The following MACROD2 variants were observed in gnomAD, a reference collection of about 807,000 sequenced individuals.
MACROD2 encodes the protein ADP-ribose glycohydrolase MACROD2.
A neutral mutation model predicts 70.4 loss-of-function variants in MACROD2; 36 were observed. The ratio of observed to expected loss-of-function variants is 0.51; its 90% CI spans 0.39 to 0.68. The LOEUF is 0.68. MACROD2 is among the 30% of genes least tolerant of loss of function. The pLI is 0.00. For synonymous variants in MACROD2, 172 were observed against 178.8 expected, an observed-to-expected ratio of 0.96 and a Z score of 0.30; for missense variants, 496 against 538.4, an observed-to-expected ratio of 0.92 and a Z score of 0.78.
intron 6 of MACROD2, among the ~76,000 whole-genome samples, chr20:15,242,860 T>G (rs559659887): frequency 6.6e-6 from 1 of 152,320 alleles, no homozygotes; most frequent in East Asian, 1.9e-4. Context: ...TGGAGGTTAA[T>G]GTGCAGGACG....
At chr20:15,748,049 C>T (rs1346552014) in intron 8 of MACROD2, among the ~76,000 whole-genome samples, 12 of 151,994 alleles carry the variant, frequency 7.9e-5, no homozygotes, top group Non-Finnish European at 1.5e-4. Context: ...TCTACAAATC[C>T]CAGTGTCTGA....
At chr20:15,740,886 C>G (rs564532098) in intron 8 of MACROD2, among the ~76,000 whole-genome samples, 2 of 152,128 alleles carry the variant, frequency 1.3e-5, no homozygotes, top group African/African-American at 2.4e-5. Flanking sequence ...GGCACCATCT[C>G]CACTGCTCGC....
At chr20:15,574,671 T>C (rs916733545) in intron 8 of MACROD2, among the ~76,000 whole-genome samples, 2 of 152,162 alleles carry the variant, frequency 1.3e-5, no homozygotes, top group African/African-American at 4.8e-5. Flanking sequence ...TCAATTCTAA[T>C]AGTTTTTGCT....
chr20:15,702,871 G>A (rs1033066503), intron 8 of MACROD2, among the ~76,000 whole-genome samples: 14 of 152,304 alleles, frequency 9.2e-5, no homozygotes, highest in South Asian at 2.1e-4. Context: ...GAGGCTTTAC[G>A]TTATCCAACT....
intron 3 of MACROD2, among the ~76,000 whole-genome samples, chr20:14,320,967 GTTGTT>G (rs1418959668): frequency 6.6e-6 from 1 of 152,076 alleles, no homozygotes; most frequent in Non-Finnish European, 1.5e-5. Flanking sequence ...AATAGATGTA[GTTGTT>G]TCTTCCTTTT....
chr20:15,145,730 C>G (rs1254715878), intron 5 of MACROD2, among the ~76,000 whole-genome samples: 1 of 151,980 alleles, frequency 6.6e-6, no homozygotes, highest in South Asian at 2.1e-4. Flanking sequence ...TTCTCTTTAA[C>G]TGATAAGAAA....
chr20:15,556,762 T>C (rs1029101288), intron 8 of MACROD2, among the ~76,000 whole-genome samples: 10 of 152,198 alleles, frequency 6.6e-5, no homozygotes, highest in Non-Finnish European at 1.5e-4. Context: ...ACTCAATACA[T>C]TGTGGGATTC....
At position 14,514,025 on chromosome 20, in the gene MACROD2, T is replaced by G. The variant is rs959110212; in HGVS notation, c.301+20517T>G. Among the ~76,000 whole-genome samples, 7 of 152,250 alleles carry G rather than the reference T, an allele frequency of 4.6e-5. No homozygotes were observed. The East Asian group carries it at 1.4e-3, about 29-fold the overall frequency. On this transcript the variant is annotated intron_variant, in intron 4 of 17. Transcript: ENST00000684519. ...AGCTCAAGGTTTATTGTCTTTCTAC[T>G]TTTTCTAAATGATTTAAGGCTTCTC...
chr20:15,189,777 A>T (rs944850283), intron 5 of MACROD2, among the ~76,000 whole-genome samples: 12 of 152,214 alleles, frequency 7.9e-5, no homozygotes, highest in Admixed American at 1.3e-4. Context: ...TCATGTAGGT[A>T]TAATAAATGA....
At chr20:15,508,140 G>T (rs1042828812) in intron 8 of MACROD2, among the ~76,000 whole-genome samples, 1 of 152,140 alleles carries the variant, frequency 6.6e-6, no homozygotes, top group Non-Finnish European at 1.5e-5. Context: ...GTAGATTAGG[G>T]TGGCTTGCTG....
At chr20:15,438,289 TCCGA>T (rs2046453234) in intron 7 of MACROD2, among the ~76,000 whole-genome samples, 2 of 152,318 alleles carry the variant, frequency 1.3e-5, no homozygotes, top group East Asian at 3.9e-4. Context: ...TAATTCACAC[TCCGA>T]CCAACAGTGT....
intron 8 of MACROD2, among the ~76,000 whole-genome samples, chr20:15,580,510 A>G (rs1307669735): frequency 6.6e-6 from 1 of 152,162 alleles, no homozygotes; most frequent in Non-Finnish European, 1.5e-5. Flanking sequence ...TCCTCAGTCT[A>G]GTCCACTGGG....
At chr20:14,545,130 G>A (rs923845875) in intron 4 of MACROD2, among the ~76,000 whole-genome samples, 2 of 152,190 alleles carry the variant, frequency 1.3e-5, no homozygotes, top group Non-Finnish European at 2.9e-5. Flanking sequence ...ATTAAATGTA[G>A]GGAGAAGCCT....
chr20:14,327,376 C>G, intron 3 of MACROD2: 1 of 1,613,712 alleles, frequency 6.2e-7, no homozygotes, highest in Non-Finnish European at 8.5e-7. Context: ...GCGATCATTA[C>G]AGTAAATGAA....
chr20:15,628,114 G>A (rs2049233438), intron 8 of MACROD2, among the ~76,000 whole-genome samples: 1 of 152,104 alleles, frequency 6.6e-6, no homozygotes, highest in African/African-American at 2.4e-5. Context: ...TATATGGGAG[G>A]GAGATGGTAG....
At chr20:14,831,780 CAAAAAAAAAA>C (rs71190151) in intron 5 of MACROD2, among the ~76,000 whole-genome samples, 23 of 37,180 alleles carry the variant, frequency 6.2e-4, no homozygotes, top group East Asian at 6.2e-3. Flanking sequence ...AACTCCGTCT[CAAAAAAAAAA>C]AAAAAAAAAA....
chr20:14,930,766 T>TAAAAAAAAAAAA (rs11474347), intron 5 of MACROD2, among the ~76,000 whole-genome samples: 1 of 71,648 alleles, frequency 1.4e-5, no homozygotes, highest in African/African-American at 5.3e-5. Context: ...GAGCGTGTCT[T>TAAAAAAAAAAAA]AAAAAAAAAA....
intron 9 of MACROD2, among the ~76,000 whole-genome samples, chr20:15,876,091 T>TTATATATATATATATA (rs752542911): frequency 5.4e-4 from 18 of 33,110 alleles, no homozygotes; most frequent in African/African-American, 1.3e-3. Context: ...TACATGTCTT[T>TTATATATATATATATA]TATATATATA....
chr20:15,241,455 A>G (rs1426930449), intron 6 of MACROD2, among the ~76,000 whole-genome samples: 4 of 152,118 alleles, frequency 2.6e-5, no homozygotes, highest in Admixed American at 2.0e-4. Flanking sequence ...TGATTTCTGA[A>G]TCTTTAAAAA....
Sources: allele counts gnomAD v4.1 joint callset (sites outside exome capture counted in the v4.1 genomes callset), GRCh38; gene constraint gnomAD v4.1.1; transcripts MANE v1.5; gene names NCBI Gene and HGNC (gene_info 2026-07-23, HGNC 2026-07-21).